Variants in PJA2 observed in about 807,000 individuals in gnomAD.
PJA2 encodes the protein praja ring finger ubiquitin ligase 2.
A neutral mutation model predicts 69.3 loss-of-function variants in PJA2; 25 were observed. The observed-to-expected ratio is 0.36, with a 90% confidence interval of 0.26 to 0.50. The LOEUF (loss-of-function observed/expected upper bound fraction) is 0.50. Ranked by LOEUF, PJA2 falls within the 20% of genes least tolerant of loss-of-function variation. The pLI, the probability that PJA2 is intolerant of heterozygous loss-of-function variation, is 0.96. For missense variants in PJA2, 809 were observed against 830.2 expected (o/e 0.97, Z 0.31); for synonymous variants, 308 against 277.8 (o/e 1.11, Z -1.08).
chr5:109,401,399 A>G (rs755681040), intron 1 of PJA2, among the ~76,000 whole-genome samples: 30 of 152,112 alleles, frequency 2.0e-4, no homozygotes, highest in Non-Finnish European at 1.8e-4. Flanking sequence ...GCTCAAGGCT[A>G]TAGTGAGACA....
chr5:109,376,363 C>T (rs1746887645), intron 4 of PJA2, among the ~76,000 whole-genome samples: 1 of 150,026 alleles, frequency 6.7e-6, no homozygotes, highest in African/African-American at 2.5e-5. Flanking sequence ...TACCTTATAA[C>T]TATGAAAAGT....
intron 7 of PJA2, among the ~76,000 whole-genome samples, chr5:109,354,233 G>C (rs1291594065): frequency 6.8e-6 from 1 of 147,866 alleles, no homozygotes; most frequent in Non-Finnish European, 1.5e-5. Context: ...ATGATGTCTA[G>C]AGATTTCTAT....
chr5:109,364,717 T>C (rs987805665), intron 5 of PJA2, among the ~76,000 whole-genome samples: 2 of 142,418 alleles, frequency 1.4e-5, no homozygotes, highest in Non-Finnish European at 3.2e-5. Flanking sequence ...CTGAGAAACG[T>C]GAACTACAAT....
chr5:109,373,561 T>C (rs908144340), intron 4 of PJA2, among the ~76,000 whole-genome samples: 2 of 152,182 alleles, frequency 1.3e-5, no homozygotes, highest in African/African-American at 4.8e-5. Context: ...AAAAATCACT[T>C]TTTAAGGAGT....
intron 7 of PJA2, among the ~76,000 whole-genome samples, chr5:109,350,454 A>G (rs1044329710): frequency 2.6e-5 from 4 of 152,234 alleles, no homozygotes; most frequent in African/African-American, 9.6e-5. Flanking sequence ...AGAATAAAAT[A>G]CAATTCAGTT....
intron 9 of PJA2, among the ~76,000 whole-genome samples, chr5:109,339,189 TC>T (rs1445419689): frequency 6.6e-6 from 1 of 152,142 alleles, no homozygotes; most frequent in Non-Finnish European, 1.5e-5. Context: ...TGACTGGAGG[TC>T]CCTCTCTTTC....
At chr5:109,372,021 G>C (rs1490624917) in intron 4 of PJA2, among the ~76,000 whole-genome samples, 1 of 152,120 alleles carries the variant, frequency 6.6e-6, no homozygotes, top group East Asian at 1.9e-4. Context: ...ATCAATAACT[G>C]TTAGCGAGTC....
At chr5:109,367,581 A>G (rs1269942987) in intron 5 of PJA2, among the ~76,000 whole-genome samples, 2 of 152,172 alleles carry the variant, frequency 1.3e-5, no homozygotes, top group African/African-American at 4.8e-5. Context: ...TGCAAGGACA[A>G]AAAAAGAAAA....
At chr5:109,343,309 GA>G (rs1561340276) in intron 9 of PJA2, among the ~76,000 whole-genome samples, 1 of 23,510 alleles carries the variant, frequency 4.3e-5, no homozygotes, top group East Asian at 1.1e-3. Flanking sequence ...AAGAAAGAAA[GA>G]AAAAAAGAAA....
At chr5:109,383,064 G>GA (rs1320008160) in intron 2 of PJA2, among the ~76,000 whole-genome samples, 3 of 151,968 alleles carry the variant, frequency 2.0e-5, no homozygotes, top group Non-Finnish European at 2.9e-5. Context: ...TTTAAAAATT[G>GA]AAAAATTAAA....
At chr5:109,360,788 C>T (rs1762492461) in intron 6 of PJA2, among the ~76,000 whole-genome samples, 1 of 152,096 alleles carries the variant, frequency 6.6e-6, no homozygotes, top group South Asian at 2.1e-4. Context: ...GAAAGATCAT[C>T]AGTGAATTAG....
intron 9 of PJA2, among the ~76,000 whole-genome samples, chr5:109,338,806 G>C (rs967351050): frequency 5.9e-5 from 9 of 151,948 alleles, no homozygotes; most frequent in African/African-American, 2.2e-4. Flanking sequence ...ATTAGAAAAC[G>C]GGAATAAAGA....
rs1311979524 is a variant in PJA2, at chr5:109,336,786, G to C, written c.*445C>G. ...TGATATAGCAAAATCAAAGGGACTA[G>C]TGAAAAAGCATACTTTAGAATTTGT... On this transcript the variant is annotated 3_prime_UTR_variant, in exon 10 of 10. Transcript: ENST00000361189. 6.6e-6 allele frequency: 1 copy of C among 152,540 alleles called. No homozygotes were observed. Among genetic ancestry groups the C allele is most frequent in the Admixed American group, 6.5e-5 (1 of 15,284 alleles). The allele number at this position is 152,540 out of a possible 1,614,324, so 9.4% of individuals were successfully genotyped here.
intron 4 of PJA2, among the ~76,000 whole-genome samples, chr5:109,370,477 G>A (rs1468658001): frequency 6.6e-6 from 1 of 152,108 alleles, no homozygotes; most frequent in Non-Finnish European, 1.5e-5. Flanking sequence ...AAAATCAACT[G>A]CCAATTTCCA....
rs1020138126 is a variant in PJA2 at position 109,348,436 on chromosome 5, T to C, written c.1765-3617A>G. 7.2e-5 allele frequency among the ~76,000 whole-genome samples: 11 copies of C among 152,156 alleles called. No homozygotes were observed. The East Asian group carries it at 9.6e-4, about 13-fold the overall frequency. On this transcript the variant is annotated intron_variant, in intron 7 of 9. Transcript: ENST00000361189. Reference sequence around the variant, plus strand: ...ATCAAATTTCTCAAAAGTTTTACCATTGATTGGTTAAGGAATAAGATTCTG... The same window carrying C: ...ATCAAATTTCTCAAAAGTTTTACCACTGATTGGTTAAGGAATAAGATTCTG...
chr5:109,374,457 A>G (rs1746782906), intron 4 of PJA2, among the ~76,000 whole-genome samples: 1 of 152,214 alleles, frequency 6.6e-6, no homozygotes, highest in South Asian at 2.1e-4. Flanking sequence ...GGAACAGGAA[A>G]GGCGCTTAAT....
intron 7 of PJA2, among the ~76,000 whole-genome samples, chr5:109,345,730 TCCTG>T (rs1479556442): frequency 3.3e-5 from 5 of 152,182 alleles, no homozygotes. Flanking sequence ...AATAATGCAC[TCCTG>T]AATGGCTACA....
Position 109,368,699 on chromosome 5 carries a change from A to G in PJA2, c.1331T>C (p.Phe444Ser), listed in dbSNP as rs143434664. Residue 444 changes from phenylalanine to serine, a missense_variant, in exon 5 of 10, where the codon TTT becomes TCT. Phe to Ser is a radical substitution (Grantham distance 155). This residue lies in a region of PJA2 where 700 missense variants were observed against 639.5 expected (regional missense o/e 1.09). Coordinates refer to ENST00000361189, the MANE Select transcript of PJA2 (RefSeq NM_014819.5). ...GGATTGATCTTTTTCTGTACCAGAAAATCGATGAGGCAAAGAAGCAGACCA... is the reference window on the plus strand; with the variant it reads ...GGATTGATCTTTTTCTGTACCAGAAGATCGATGAGGCAAAGAAGCAGACCA... ...GEWSASLPHR[F>S]SGTEKDQSSS... is the part of the protein sequence containing the mutation. 1.2e-6 allele frequency: 2 copies of G among 1,613,994 alleles called. No homozygotes were observed. The highest frequency in any genetic ancestry group is 1.3e-5 in the African/African-American group (1 of 74,922).
rs1186448831 is a variant in PJA2, at chr5:109,375,805, A to C, written c.1283+2399T>G. On this transcript the variant is annotated intron_variant, in intron 4 of 9. Transcript: ENST00000361189. Reference sequence around the variant, plus strand: ...AGATGAACAAGGGCAAAATGAAACTAAATAGGAGTGTACAGCTATTAAATT... The same window carrying C: ...AGATGAACAAGGGCAAAATGAAACTCAATAGGAGTGTACAGCTATTAAATT... Among the ~76,000 whole-genome samples the C allele has an allele frequency of 2.0e-5, 3 of 152,180 alleles. No individual in the cohort carries two copies. The East Asian group carries it at 5.8e-4, about 29-fold the overall frequency.
Sources: gnomAD v4.1 joint callset for allele counts (sites outside exome capture counted in the v4.1 genomes callset) on GRCh38, gnomAD v4.1.1 for gene constraint, gnomAD v4.1.1 regional missense constraint, MANE v1.5 for transcripts, NCBI Gene and HGNC (gene_info 2026-07-23, HGNC 2026-07-21) for gene names.